PCDH9: variants seen among roughly 807,000 people sequenced by gnomAD.
PCDH9 encodes the protein protocadherin 9, also known as protocadherin-9.
Under a neutral mutation model 70.6 loss-of-function variants are expected in PCDH9, and 24 were observed. The observed-to-expected ratio is 0.34, with a 90% confidence interval of 0.25 to 0.48. The LOEUF (loss-of-function observed/expected upper bound fraction) is 0.48, where lower values mean the gene tolerates loss of function less well. Ranked by LOEUF, PCDH9 falls within the 20% of genes least tolerant of loss-of-function variation. The pLI, the probability that PCDH9 is intolerant of heterozygous loss-of-function variation, is 0.99. For synonymous variants in PCDH9, 562 were observed against 558.5 expected (o/e 1.01, Z -0.09); for missense variants, 1,281 against 1,503.6 (o/e 0.85, Z 2.45).
chr13:66,491,525 T>C (rs1959034591), intron 4 of PCDH9, among the ~76,000 whole-genome samples: 1 of 151,986 alleles, frequency 6.6e-6, no homozygotes, highest in African/African-American at 2.4e-5. Context: ...GACTTGTTGG[T>C]TTCCAAGTAC....
intron 3 of PCDH9, among the ~76,000 whole-genome samples, chr13:66,836,601 C>T (rs2081023942): frequency 6.6e-6 from 1 of 152,104 alleles, no homozygotes; most frequent in African/African-American, 2.4e-5. Context: ...GTAATTTTTA[C>T]TTTTAATCTG....
intron 4 of PCDH9, among the ~76,000 whole-genome samples, chr13:66,586,327 T>TA (rs36071784): frequency 0.45 from 68,846 of 151,960 alleles, 15,912 homozygotes; most frequent in Middle Eastern, 0.56. Context: ...ATTTAGAAAT[T>TA]AATTATAGAT....
chr13:66,779,841 C>CTATATATATATA (rs1461666323), intron 3 of PCDH9, among the ~76,000 whole-genome samples: 14 of 26,248 alleles, frequency 5.3e-4, no homozygotes, highest in Middle Eastern at 0.022. Flanking sequence ...CTCTCTCTCT[C>CTATATATATATA]TCTCTCTCTA....
intron 3 of PCDH9, among the ~76,000 whole-genome samples, chr13:66,682,380 CTATCTATCTATCT>C (rs1426664016): frequency 3.6e-5 from 5 of 138,168 alleles, no homozygotes; most frequent in Non-Finnish European, 6.5e-5. Flanking sequence ...ATCTATCTAT[CTATCTATCTATCT>C]ATCTATCATC....
chr13:67,046,233 A>G (rs948969553), intron 2 of PCDH9, among the ~76,000 whole-genome samples: 13 of 152,188 alleles, frequency 8.5e-5, no homozygotes, highest in African/African-American at 2.9e-4. Context: ...CACTCTAGCA[A>G]TTAGCCCCTA....
Position 66,339,231 on chromosome 13 carries a change from A to G in PCDH9, c.3341-34203T>C, listed in dbSNP as rs78414624. The stretch of plus-strand genomic sequence containing the variant: ...TTTATTGTCTGTAGTAATGAGAACA[A>G]CAACAACAAAAAAACAGTATTACTT... On this transcript the variant is annotated intron_variant, in intron 4 of 4. Coordinates refer to ENST00000377865, the MANE Select transcript of PCDH9 (RefSeq NM_203487.3). 1.2e-3 allele frequency among the ~76,000 whole-genome samples: 185 copies of G among 152,182 alleles called. 4 individuals carry two copies. The East Asian group carries it at 0.033, about 27-fold the overall frequency.
chr13:66,522,984 A>T (rs944304357), intron 4 of PCDH9, among the ~76,000 whole-genome samples: 4 of 152,106 alleles, frequency 2.6e-5, no homozygotes, highest in African/African-American at 9.7e-5. Flanking sequence ...TAACATTAGC[A>T]TAGTTTGCTG....
At chr13:67,029,806 A>T (rs1257730420) in intron 2 of PCDH9, among the ~76,000 whole-genome samples, 1 of 152,100 alleles carries the variant, frequency 6.6e-6, no homozygotes, top group African/African-American at 2.4e-5. Flanking sequence ...CAATATTTTT[A>T]GTTTTTCTAT....
At chr13:66,537,468 A>C (rs555141167) in intron 4 of PCDH9, among the ~76,000 whole-genome samples, 1 of 152,258 alleles carries the variant, frequency 6.6e-6, no homozygotes, top group South Asian at 2.1e-4. Context: ...GATAACATCC[A>C]AACAGAAAAC....
At chr13:67,000,142 C>T (rs1318037989) in intron 2 of PCDH9, among the ~76,000 whole-genome samples, 2 of 152,030 alleles carry the variant, frequency 1.3e-5, no homozygotes, top group East Asian at 1.9e-4. Context: ...CCATGGAATA[C>T]TATGCAGCCA....
intron 4 of PCDH9, among the ~76,000 whole-genome samples, chr13:66,567,941 A>G (rs1162245339): frequency 6.6e-6 from 1 of 152,122 alleles, no homozygotes; most frequent in Non-Finnish European, 1.5e-5. Context: ...ATATTCCACT[A>G]GTGCTGGTTT....
chr13:66,520,264 A>G (rs1474831258), intron 4 of PCDH9, among the ~76,000 whole-genome samples: 2 of 152,202 alleles, frequency 1.3e-5, no homozygotes, highest in Non-Finnish European at 2.9e-5. Flanking sequence ...TTAAATGTGC[A>G]TACAATGATT....
At chr13:66,908,017 A>C (rs112498056) in intron 2 of PCDH9, among the ~76,000 whole-genome samples, 15 of 152,338 alleles carry the variant, frequency 9.8e-5, no homozygotes, top group African/African-American at 3.6e-4. Context: ...GAATTCTAAA[A>C]CAGAACATTT....
intron 4 of PCDH9, among the ~76,000 whole-genome samples, chr13:66,339,920 C>T (rs928705182): frequency 2.0e-5 from 3 of 152,096 alleles, no homozygotes; most frequent in Non-Finnish European, 4.4e-5. Flanking sequence ...TTTTGGTTCT[C>T]TTTGAAGCTG....
chr13:66,661,552 C>A (rs1274689672), intron 3 of PCDH9, among the ~76,000 whole-genome samples: 5 of 152,038 alleles, frequency 3.3e-5, no homozygotes, highest in Non-Finnish European at 7.4e-5. Flanking sequence ...CTGGATTATA[C>A]CATGAAGTCA....
intron 2 of PCDH9, among the ~76,000 whole-genome samples, chr13:67,039,407 A>T (rs1468694382): frequency 1.3e-5 from 2 of 152,184 alleles, no homozygotes; most frequent in African/African-American, 4.8e-5. Context: ...TGATCCAGTC[A>T]GATCCTGGCT....
intron 4 of PCDH9, among the ~76,000 whole-genome samples, chr13:66,473,076 G>A (rs1958649922): frequency 6.6e-6 from 1 of 151,922 alleles, no homozygotes; most frequent in Admixed American, 6.6e-5. Flanking sequence ...ACAACTGACA[G>A]TTGGAGTTTC....
In PCDH9 at chr13:66,631,401, C is replaced by T. The variant is rs754586265; in HGVS notation, c.3149G>A (p.Arg1050His). The change falls in exon 4 of 5, where the codon CGT (arginine) becomes CAT (histidine). Residue 1050 changes from arginine to histidine, a missense_variant. Arg to His is a conservative substitution (Grantham distance 29). This residue lies in a region of PCDH9 where 264 missense variants were observed against 278.8 expected (regional missense o/e 0.95). Transcript: ENST00000377865. ...NEESHYESQRRVTFHLPDGSQ... is the reference protein window; with the variant it reads ...NEESHYESQRHVTFHLPDGSQ... ...GCCATCAGGGAGATGAAACGTAACA[C>T]GGCGCTGCGACTACAAAGAAGACCA... The T allele has an allele frequency of 7.5e-6, 12 of 1,604,882 alleles. No homozygotes were observed. The highest frequency in any genetic ancestry group is 3.3e-5 in the South Asian group (3 of 90,902).
chr13:66,341,631 G>T (rs1008680641), intron 4 of PCDH9, among the ~76,000 whole-genome samples: 5 of 152,230 alleles, frequency 3.3e-5, no homozygotes, highest in Admixed American at 6.5e-5. Flanking sequence ...GATTCTGTTG[G>T]TTTTTCTGCT....
Sources: allele counts gnomAD v4.1 joint callset (sites outside exome capture counted in the v4.1 genomes callset), GRCh38; gene constraint gnomAD v4.1.1; regional missense constraint gnomAD v4.1.1; transcripts MANE v1.5; gene names NCBI Gene and HGNC (gene_info 2026-07-23, HGNC 2026-07-21).